Variants in PPP2R2D observed in about 807,000 individuals in gnomAD.
PPP2R2D encodes protein phosphatase 2 regulatory subunit Bdelta, also known as serine/threonine-protein phosphatase 2A 55 kDa regulatory subunit B delta isoform.
A neutral mutation model predicts 31.1 loss-of-function variants in PPP2R2D; 9 were observed. The ratio of observed to expected loss-of-function variants is 0.29; its 90% CI spans 0.17 to 0.51. The LOEUF is 0.51. PPP2R2D is among the 20% of genes least tolerant of loss of function. The pLI is 0.98. For missense variants in PPP2R2D, 391 were observed against 465.6 expected, an observed-to-expected ratio of 0.84 and a Z score of 1.48; for synonymous variants, 179 against 172.6, an observed-to-expected ratio of 1.04 and a Z score of -0.29.
At chr10:131,912,084 T>A (rs1420482771) in intron 2 of PPP2R2D, 1 of 152,218 alleles carries the variant, frequency 6.6e-6, no homozygotes, top group African/African-American at 2.4e-5. Flanking sequence ...TAAAACCTAG[T>A]TTGTGTATAA....
intron 2 of PPP2R2D, among the ~76,000 whole-genome samples, chr10:131,931,109 C>T (rs1171869921): frequency 6.6e-6 from 1 of 152,176 alleles, no homozygotes; most frequent in Non-Finnish European, 1.5e-5. Context: ...GTCCCACGTC[C>T]AGCATCCCTC....
At chr10:131,941,782 T>C (rs1381487023) in intron 5 of PPP2R2D, among the ~76,000 whole-genome samples, 1 of 152,096 alleles carries the variant, frequency 6.6e-6, no homozygotes, top group Non-Finnish European at 1.5e-5. Flanking sequence ...CCGTGTGGGG[T>C]GGCTACACCT....
Position 131,945,755 on chromosome 10 carries a change from C to T in PPP2R2D, c.820+296C>T, listed in dbSNP as rs1466424212. ...TGTGAGTCACCGCACCTGGTCACGCCTGGCGTCTTTTAAAGCATCTCATTT... is the reference window on the plus strand; with the variant it reads ...TGTGAGTCACCGCACCTGGTCACGCTTGGCGTCTTTTAAAGCATCTCATTT... On this transcript the variant is annotated intron_variant, in intron 7 of 8. Coordinates refer to ENST00000455566, the MANE Select transcript of PPP2R2D (RefSeq NM_018461.5). This position sits in a 1 kb window ranked among gnomAD's most constrained non-coding sequence, Gnocchi z 4.8. 3.2e-6 allele frequency: 1 copy of T among 310,754 alleles called. No homozygotes were observed. The highest frequency in any genetic ancestry group is 2.1e-5 in the African/African-American group (1 of 47,270). 19.2% of individuals were successfully genotyped at this position (310,754 alleles called of 1,614,324 possible). A position where few individuals can be genotyped will look rare whatever the true frequency, so the allele number is the denominator to read the frequency against.
At position 131,947,706 on chromosome 10, in the gene PPP2R2D, G is replaced by A. The variant is rs369435052; in HGVS notation, c.997G>A (p.Glu333Lys). Residue 333 changes from glutamate to lysine, a missense_variant, in exon 8 of 9, where the codon GAG (glutamate) becomes AAG (lysine). Transcript: ENST00000455566. This position sits in a 1 kb window ranked among gnomAD's most constrained non-coding sequence, Gnocchi z 4.3. ...GCCGGTGGAGACCCACCAGGTCCAC[G>A]AGTACCTGCGCAGCAAGCTCTGCTC... The part of the protein sequence containing the change: ...SRPVETHQVH[E>K]YLRSKLCSLY... 3 of 1,614,078 alleles carry A rather than the reference G, an allele frequency of 1.9e-6. No homozygotes were observed. The highest frequency in any genetic ancestry group is 1.1e-5 in the South Asian group (1 of 91,080).
At chr10:131,907,188 A>G (rs1392773461) in intron 2 of PPP2R2D, among the ~76,000 whole-genome samples, 1 of 151,768 alleles carries the variant, frequency 6.6e-6, no homozygotes, top group Non-Finnish European at 1.5e-5. Flanking sequence ...TTTGGTATTT[A>G]TTCATTTATA....
Position 131,956,499 on chromosome 10 carries a change from G to A in PPP2R2D, c.*536G>A. 1.0e-6 allele frequency: 1 copy of A among 985,418 alleles called. No individual in the cohort carries two copies. Among genetic ancestry groups the A allele is most frequent in the South Asian group, 4.7e-5 (1 of 21,280 alleles). 61.0% of individuals were successfully genotyped at this position (985,418 alleles called of 1,614,324 possible). ...CACAGCATCCGCCGCCACCCCTTCG[G>A]GTGTGAGCGCTCAATAAAAACAACA... On this transcript the variant is annotated 3_prime_UTR_variant, in exon 9 of 9. Coordinates refer to ENST00000455566, the MANE Select transcript of PPP2R2D (RefSeq NM_018461.5).
In PPP2R2D at chr10:131,952,168, G is replaced by A. The variant is rs1283717690; in HGVS notation, c.1083-3516G>A. ...GTTCACTGTCTTAGCAGTGACTTGC[G>A]GGTGTGCAGGGGGTTTCACTGTCTT... On this transcript the variant is annotated intron_variant, in intron 8 of 8. Coordinates refer to ENST00000455566, the MANE Select transcript of PPP2R2D (RefSeq NM_018461.5). Among the ~76,000 whole-genome samples, 4 of 95,262 alleles carry A rather than the reference G, an allele frequency of 4.2e-5. 1 individual carries two copies. Among genetic ancestry groups the A allele is most frequent in the African/African-American group, 8.4e-5 (2 of 23,852 alleles). The allele number at this position is 95,262 out of a possible 152,430, so 62.5% of individuals were successfully genotyped here.
chr10:131,944,331 A>G lies in PPP2R2D; in HGVS notation c.655+186A>G, dbSNP rs192872452. 3.9e-5 allele frequency among the ~76,000 whole-genome samples: 6 copies of G among 152,238 alleles called. No individual in the cohort carries two copies. In the East Asian group the frequency reaches 9.6e-4, roughly 24 times the overall value. ...TCCCTAAAAATACAAATTTCTTTCTACCTTTGGGAAAAAGTTATCTGTATA... is the reference window on the plus strand; with the variant it reads ...TCCCTAAAAATACAAATTTCTTTCTGCCTTTGGGAAAAAGTTATCTGTATA... On this transcript the variant is annotated intron_variant, in intron 6 of 8. Transcript: ENST00000455566.
chr10:131,970,261 ACT>A, the PPP2R2D span: 1 of 227,620 alleles, frequency 4.4e-6, no homozygotes. The surrounding 1 kb of genome is among the most constrained non-coding windows in gnomAD (Gnocchi z 4.1). Flanking sequence ...ACAGCAGGTA[ACT>A]GAGACCCTCC....
rs942935716 is a variant in PPP2R2D at position 131,913,744 on chromosome 10, G to A, written c.100+12414G>A. Among the ~76,000 whole-genome samples, 9 of 152,308 alleles carry A rather than the reference G, an allele frequency of 5.9e-5. No homozygotes were observed. The East Asian group carries it at 1.7e-3, about 29-fold the overall frequency. On this transcript the variant is annotated intron_variant, in intron 2 of 8. Coordinates refer to ENST00000455566, the MANE Select transcript of PPP2R2D (RefSeq NM_018461.5). ...TACAGGCCTCCATTATTGTCTCATG[G>A]GAACGCCATGGCAGGTGTGGACTGT...
chr10:131,903,807 G>A (rs1365731072), intron 2 of PPP2R2D, among the ~76,000 whole-genome samples: 2 of 152,356 alleles, frequency 1.3e-5, no homozygotes, highest in African/African-American at 4.8e-5. Context: ...CAGTGATGAT[G>A]AAGGGAAGTG....
Position 131,956,698 on chromosome 10 carries a change from G to A in PPP2R2D, c.*735G>A, listed in dbSNP as rs1054595653. On this transcript the variant is annotated 3_prime_UTR_variant, in exon 9 of 9. Coordinates refer to ENST00000455566, the MANE Select transcript of PPP2R2D (RefSeq NM_018461.5). ...CATTTCTGTCCCCAAGCTGCTGCCC[G>A]CTGTGTTTCTGTAGAAGTAGCCCAT... 9.2e-5 allele frequency: 38 copies of A among 414,516 alleles called. No individual in the cohort carries two copies. Among genetic ancestry groups the A allele is most frequent in the Non-Finnish European group, 8.4e-5 (26 of 308,454 alleles). 25.7% of individuals were successfully genotyped at this position (414,516 alleles called of 1,614,324 possible). A position where few individuals can be genotyped will look rare whatever the true frequency, so the allele number is the denominator to read the frequency against.
chr10:131,955,881 A>G lies in PPP2R2D; in HGVS notation c.1280A>G (p.His427Arg). Residue 427 changes from histidine (H) to arginine (R), a missense_variant, in exon 9 of 9, where the codon CAC becomes CGC. Transcript: ENST00000455566. ...CTGGACTTCAACAAGAAGATCCTGC[A>G]CACAGCCTGGCACCCCGTGGACAAT... Reference protein sequence around the residue: ...DSLDFNKKILHTAWHPVDNVI... With the variant: ...DSLDFNKKILRTAWHPVDNVI... 6.2e-7 allele frequency: 1 copy of G among 1,608,298 alleles called. No individual in the cohort carries two copies. Among genetic ancestry groups the G allele is most frequent in the Non-Finnish European group, 8.5e-7 (1 of 1,176,998 alleles).
intron 2 of PPP2R2D, among the ~76,000 whole-genome samples, chr10:131,908,575 T>G (rs1250086168): frequency 6.6e-6 from 1 of 152,226 alleles, no homozygotes; most frequent in East Asian, 1.9e-4. Context: ...GGAGAGGAAT[T>G]GTGCACGTGG....
intron 2 of PPP2R2D, among the ~76,000 whole-genome samples, 199 bp from the exon 3 acceptor site, chr10:131,934,259 A>T (rs1487611266): frequency 1.3e-5 from 2 of 152,024 alleles, no homozygotes; most frequent in African/African-American, 2.4e-5. Context: ...TCGCCCATTC[A>T]CCTGTGCCGG....
intron 8 of PPP2R2D, among the ~76,000 whole-genome samples, chr10:131,948,962 C>G (rs2036592895): frequency 6.6e-6 from 1 of 152,120 alleles, no homozygotes. Flanking sequence ...AAAACCTCCC[C>G]TCACAAGGGT....
intron 2 of PPP2R2D, among the ~76,000 whole-genome samples, chr10:131,930,490 T>G (rs2036201835): frequency 6.6e-6 from 1 of 152,284 alleles, no homozygotes; most frequent in Admixed American, 6.5e-5. Flanking sequence ...TTTGGCTCTT[T>G]GCATATTCGA....
intron 8 of PPP2R2D, among the ~76,000 whole-genome samples, chr10:131,953,093 T>G (rs1223788094): frequency 1.6e-5 from 2 of 126,024 alleles, no homozygotes; most frequent in African/African-American, 6.2e-5. Context: ...GTTCACTGTC[T>G]TAGCAGTGAC....
chr10:131,940,464 A>T, intron 4 of PPP2R2D, 118 bp from the exon 5 acceptor site: 1 of 611,958 alleles, frequency 1.6e-6, no homozygotes, highest in Non-Finnish European at 2.9e-6. Flanking sequence ...ATGTTCAGAG[A>T]CCCCATAGCT....
Sources: gnomAD v4.1 joint callset for allele counts (sites outside exome capture counted in the v4.1 genomes callset) on GRCh38, gnomAD v4.1.1 for gene constraint, Gnocchi (gnomAD v3.1) non-coding constraint, MANE v1.5 for transcripts, NCBI Gene and HGNC (gene_info 2026-07-23, HGNC 2026-07-21) for gene names.